Variants in RAB11B observed in about 807,000 individuals in gnomAD.
The protein encoded by RAB11B is RAB11B, member RAS oncogene family, also known as ras-related protein Rab-11B.
A neutral mutation model predicts 23.7 loss-of-function variants in RAB11B; 7 were observed. That is an observed-to-expected ratio of 0.29 (90% confidence interval 0.17 to 0.55). The LOEUF is 0.55. Ranked by LOEUF, RAB11B falls within the 20% of genes least tolerant of loss-of-function variation. The pLI, the probability that RAB11B is intolerant of heterozygous loss-of-function variation, is 0.93. For synonymous variants in RAB11B, 138 were observed against 132.0 expected (o/e 1.05, Z -0.31); for missense variants, 189 against 320.0 (o/e 0.59, Z 3.12).
At chr19:8,397,169 G>A (rs1434322954) in intron 1 of RAB11B, among the ~76,000 whole-genome samples, 1 of 152,190 alleles carries the variant, frequency 6.6e-6, no homozygotes, top group African/African-American at 2.4e-5. Flanking sequence ...GGGAGTGATC[G>A]GGAGCTTGGC....
chr19:8,399,918 C>A lies in RAB11B; in HGVS notation c.96C>A (p.Thr32=). The change falls in exon 2 of 5, where the codon ACC becomes ACA. Residue 32 remains threonine, a synonymous_variant. Transcript: ENST00000328024. ...VGKSNLLSRF[T]RNEFNLESKS... ...AGAGCAACCTGCTGTCGCGCTTCACCCGCAACGAGTTCAACCTGGAGAGCA... is the reference window on the plus strand; with the variant it reads ...AGAGCAACCTGCTGTCGCGCTTCACACGCAACGAGTTCAACCTGGAGAGCA... 1 of 1,614,232 alleles carries A rather than the reference C, an allele frequency of 6.2e-7. No individual in the cohort carries two copies. The highest frequency in any genetic ancestry group is 8.5e-7 in the Non-Finnish European group (1 of 1,180,036).
rs981749171 is a variant in RAB11B, at chr19:8,403,823, C to T, written c.*265C>T. On this transcript the variant is annotated 3_prime_UTR_variant, in exon 5 of 5. Transcript: ENST00000328024. ...GGGGTGGGGAGGGCGGCAGGATGGA[C>T]GGGGCTGGCCAGAGGCGAGGAGGAC... The T allele has an allele frequency of 4.4e-6, 2 of 452,534 alleles. No homozygotes were observed. Among genetic ancestry groups the T allele is most frequent in the Non-Finnish European group, 3.9e-6 (1 of 257,422 alleles). The allele number at this position is 452,534 out of a possible 1,614,324, so 28.0% of individuals were successfully genotyped here.
At chr19:8,399,194 C>G (rs1471328146) in intron 1 of RAB11B, among the ~76,000 whole-genome samples, 1 of 152,008 alleles carries the variant, frequency 6.6e-6, no homozygotes, top group African/African-American at 2.4e-5. Flanking sequence ...ACCTCGTGAT[C>G]CACCCGCCTC....
chr19:8,399,838 C>T, intron 1 of RAB11B, 25 bp from the exon 2 acceptor site: 1 of 1,605,756 alleles, frequency 6.2e-7, no homozygotes, highest in Non-Finnish European at 8.5e-7. Context: ...TGTGGGGATT[C>T]ACAGAACCTC....
intron 1 of RAB11B, among the ~76,000 whole-genome samples, chr19:8,394,435 G>A (rs1410328791): frequency 2.6e-5 from 4 of 152,278 alleles, no homozygotes; most frequent in East Asian, 3.9e-4. Context: ...GATTACAGGC[G>A]TGAGCCACTG....
intron 1 of RAB11B, among the ~76,000 whole-genome samples, chr19:8,398,909 G>T (rs1382143754): frequency 1.3e-5 from 2 of 152,028 alleles, no homozygotes; most frequent in Non-Finnish European, 2.9e-5. Context: ...AGCCTCCTGA[G>T]TAGCTGGGGC....
chr19:8,395,104 C>T (rs992757607), intron 1 of RAB11B, among the ~76,000 whole-genome samples: 1 of 152,104 alleles, frequency 6.6e-6, no homozygotes, highest in Non-Finnish European at 1.5e-5. Context: ...TGGCCAGGCT[C>T]CCGTAGCTGC....
At position 8,397,453 on chromosome 19, in the gene RAB11B, G is replaced by A. The variant is rs1971405499; in HGVS notation, c.41-2410G>A. Among the ~76,000 whole-genome samples, 3 of 152,054 alleles carry A rather than the reference G, an allele frequency of 2.0e-5. No individual in the cohort carries two copies. The South Asian group carries it at 6.2e-4, about 31-fold the overall frequency. ...CGGGGTGTGGAGCCCCTGCAGGCAG[G>A]GAAGGAGGGAGAGCTGGCTGGGTGC... On this transcript the variant is annotated intron_variant, in intron 1 of 4. Coordinates refer to ENST00000328024, the MANE Select transcript of RAB11B (RefSeq NM_004218.4).
rs1599684383 is a variant in RAB11B, at chr19:8,392,691, T to TC, written c.40+2235_40+2236insC. Among the ~76,000 whole-genome samples, 3 of 137,822 alleles carry TC rather than the reference T, an allele frequency of 2.2e-5. No homozygotes were observed. The East Asian group carries it at 6.0e-4, about 28-fold the overall frequency. 90.4% of individuals were successfully genotyped at this position (137,822 alleles called of 152,430 possible). A position where few individuals can be genotyped will look rare whatever the true frequency, so the allele number is the denominator to read the frequency against. On this transcript the variant is annotated intron_variant, in intron 1 of 4. Transcript: ENST00000328024. Reference sequence around the variant, plus strand: ...TTCTTTTCCTTTTTCTTTTCTTTTTTTTTTTTTTTTTTTTTTGAGACAGAA... The same window carrying TC: ...TTCTTTTCCTTTTTCTTTTCTTTTTTCTTTTTTTTTTTTTTTTGAGACAGAA...
chr19:8,391,175 C>T (rs1291121267), intron 1 of RAB11B, among the ~76,000 whole-genome samples: 1 of 152,228 alleles, frequency 6.6e-6, no homozygotes, highest in Non-Finnish European at 1.5e-5. Flanking sequence ...ATCCTCACTG[C>T]AGCCCTTTGA....
chr19:8,392,463 G>T (rs2913975), intron 1 of RAB11B, among the ~76,000 whole-genome samples: 7 of 140,398 alleles, frequency 5.0e-5, no homozygotes, highest in Non-Finnish European at 7.4e-5. Context: ...GGTGTGGGGT[G>T]GGGGGGGGCG....
At chr19:8,398,139 A>G (rs1002379240) in intron 1 of RAB11B, among the ~76,000 whole-genome samples, 1 of 152,076 alleles carries the variant, frequency 6.6e-6, no homozygotes, top group Admixed American at 6.5e-5. Context: ...CATGGCTGGG[A>G]CAGGAAACAG....
intron 1 of RAB11B, among the ~76,000 whole-genome samples, chr19:8,390,923 T>C (rs1017612633): frequency 1.0e-4 from 14 of 138,298 alleles, no homozygotes; most frequent in African/African-American, 3.9e-4. Context: ...CTTGTCCTGA[T>C]TGGGGCAGCG....
chr19:8,397,022 T>A (rs1370689839), intron 1 of RAB11B, among the ~76,000 whole-genome samples: 1 of 152,178 alleles, frequency 6.6e-6, no homozygotes, highest in African/African-American at 2.4e-5. Flanking sequence ...TCGGATGTGC[T>A]GAAGGATTGA....
chr19:8,393,959 G>A (rs1175725936), intron 1 of RAB11B, among the ~76,000 whole-genome samples: 2 of 152,174 alleles, frequency 1.3e-5, no homozygotes, highest in Admixed American at 6.6e-5. Context: ...TAGGGGGGTC[G>A]CTTCCCAGCC....
At chr19:8,395,940 C>T (rs983494268) in intron 1 of RAB11B, among the ~76,000 whole-genome samples, 50 of 152,134 alleles carry the variant, frequency 3.3e-4, no homozygotes, top group Admixed American at 1.3e-4. Context: ...ACTTCCCAGG[C>T]GGTGGCTCCA....
In RAB11B at chr19:8,400,053, C is replaced by G; in HGVS notation, c.231C>G (p.Thr77=). 2 of 1,610,654 alleles carry G rather than the reference C, an allele frequency of 1.2e-6. No individual in the cohort carries two copies. Among genetic ancestry groups the G allele is most frequent in the Non-Finnish European group, 1.7e-6 (2 of 1,177,152 alleles). Residue 77 remains threonine, a synonymous_variant, in exon 2 of 5, where the codon ACC becomes ACG. Coordinates refer to ENST00000328024, the MANE Select transcript of RAB11B (RefSeq NM_004218.4). The stretch of plus-strand genomic sequence containing the variant: ...GCCAGGAGCGCTACCGCGCCATCAC[C>G]TCCGCGTGCGTGTCGGCAGCCTGGG... ...TAGQERYRAI[T]SAYYRGAVGA... is the part of the protein sequence containing the mutation.
intron 1 of RAB11B, among the ~76,000 whole-genome samples, chr19:8,394,552 A>G (rs1971382043): frequency 6.6e-6 from 1 of 152,180 alleles, no homozygotes; most frequent in South Asian, 2.1e-4. Context: ...TAATATTTAC[A>G]TCTGTCCCTG....
intron 1 of RAB11B, among the ~76,000 whole-genome samples, chr19:8,393,393 G>A (rs1227159534): frequency 2.6e-5 from 4 of 152,130 alleles, no homozygotes; most frequent in East Asian, 1.9e-4. Flanking sequence ...GAAACGGGCC[G>A]CAGCTGCCCC....
Sources: gnomAD v4.1 joint callset for allele counts (sites outside exome capture counted in the v4.1 genomes callset) on GRCh38, gnomAD v4.1.1 for gene constraint, MANE v1.5 for transcripts, NCBI Gene and HGNC (gene_info 2026-07-23, HGNC 2026-07-21) for gene names.